Variants in DEPDC7 observed in about 807,000 individuals in gnomAD.
The protein encoded by DEPDC7 is DEP domain-containing protein 7.
Under a neutral mutation model 56.6 loss-of-function variants are expected in DEPDC7, and 41 were observed. That is an observed-to-expected ratio of 0.72 (90% CI 0.56 to 0.94). DEPDC7 has a LOEUF of 0.94. Among genes scored for constraint, DEPDC7 ranks in the 40% least tolerant of loss-of-function variants. The pLI is 0.00. For missense variants in DEPDC7, 522 were observed against 596.3 expected (o/e 0.88, Z 1.30); for synonymous variants, 185 against 208.8 (o/e 0.89, Z 0.98).
At chr11:33,025,549 T>C (rs1206233617) in intron 1 of DEPDC7, 110 bp from the exon 2 acceptor site, 3 of 1,068,536 alleles carry the variant, frequency 2.8e-6, no homozygotes, top group Admixed American at 4.8e-5. Context: ...TAATTGCTCC[T>C]TATCAATAAC....
intron 6 of DEPDC7, 91 bp from the exon 7 acceptor site, chr11:33,032,577 G>C: frequency 7.4e-7 from 1 of 1,347,358 alleles, no homozygotes; most frequent in Admixed American, 2.4e-5. Flanking sequence ...ATGCTGAAAT[G>C]TATAATAGCT....
intron 1 of DEPDC7, chr11:33,016,661 AT>A: frequency 6.6e-7 from 1 of 1,513,496 alleles, no homozygotes; most frequent in Non-Finnish European, 9.1e-7. Context: ...GTTACATGAA[AT>A]TAGGAGGGAA....
At chr11:33,021,678 A>G (rs1853525842) in intron 1 of DEPDC7, among the ~76,000 whole-genome samples, 1 of 152,166 alleles carries the variant, frequency 6.6e-6, no homozygotes, top group South Asian at 2.1e-4. Context: ...TGGTGCTTGA[A>G]GGGAAATATC....
chr11:33,028,342 G>A (rs1445552055), intron 3 of DEPDC7: 1 of 329,620 alleles, frequency 3.0e-6, no homozygotes, highest in Non-Finnish European at 5.4e-6. Context: ...CATGTTACAT[G>A]ACTTGATCTC....
At chr11:33,026,102 C>A in intron 2 of DEPDC7, 53 bp downstream of exon 2, 1 of 1,592,932 alleles carries the variant, frequency 6.3e-7, no homozygotes, top group Non-Finnish European at 8.6e-7. Flanking sequence ...TTTTGTCTAC[C>A]TTTTTATGAG....
chr11:33,027,661 C>T lies in DEPDC7; in HGVS notation c.465-25C>T, dbSNP rs762319238. On this transcript the variant is annotated intron_variant, in intron 2 of 8. Coordinates refer to ENST00000241051, the MANE Select transcript of DEPDC7 (RefSeq NM_001077242.2). Reference sequence around the variant, plus strand: ...TATTTCTGTGGGCTTAGTAAATGTTCATTTCTGAAATAAATTCATTTTAGG... The same window carrying T: ...TATTTCTGTGGGCTTAGTAAATGTTTATTTCTGAAATAAATTCATTTTAGG... 8.9e-6 allele frequency: 13 copies of T among 1,466,234 alleles called. No homozygotes were observed. The African/African-American group carries it at 1.9e-4, about 22-fold the overall frequency. 90.8% of individuals were successfully genotyped at this position (1,466,234 alleles called of 1,614,324 possible). A position where few individuals can be genotyped will look rare whatever the true frequency, so the allele number is the denominator to read the frequency against.
chr11:33,015,905 C>G lies in DEPDC7; in HGVS notation c.-51C>G, dbSNP rs1056943162. The G allele has an allele frequency of 6.6e-7, 1 of 1,521,398 alleles. No individual in the cohort carries two copies. The highest frequency in any genetic ancestry group is 8.9e-7 in the Non-Finnish European group (1 of 1,127,368). 94.2% of individuals were successfully genotyped at this position (1,521,398 alleles called of 1,614,324 possible). A position where few individuals can be genotyped will look rare whatever the true frequency, so the allele number is the denominator to read the frequency against. On this transcript the variant is annotated 5_prime_UTR_variant, in exon 1 of 9. Coordinates refer to ENST00000241051, the MANE Select transcript of DEPDC7 (RefSeq NM_001077242.2). ...AGTTAACAGACGGGCGCTCAGGGAG[C>G]TAGGGAGCTGTGAAGCTGCTGGAGG...
intron 1 of DEPDC7, among the ~76,000 whole-genome samples, chr11:33,021,331 G>T (rs893664627): frequency 1.3e-5 from 2 of 151,986 alleles, no homozygotes; most frequent in Admixed American, 6.6e-5. Flanking sequence ...GATTTTAAAA[G>T]GTTGTTTAGC....
At chr11:33,022,589 T>G (rs921208717) in intron 1 of DEPDC7, among the ~76,000 whole-genome samples, 2 of 152,198 alleles carry the variant, frequency 1.3e-5, no homozygotes, top group Admixed American at 6.5e-5. Context: ...ATTTGAAAAA[T>G]TAAGCAGAAA....
intron 1 of DEPDC7, among the ~76,000 whole-genome samples, chr11:33,024,830 G>A (rs1853561239): frequency 1.3e-5 from 2 of 151,288 alleles, no homozygotes; most frequent in Admixed American, 1.3e-4. Context: ...GTGTGTGTGT[G>A]TGTGTGTGTA....
Position 33,025,904 on chromosome 11 carries a change from G to A in DEPDC7, c.319G>A (p.Val107Ile), listed in dbSNP as rs1209438892. 2 of 1,614,190 alleles carry A rather than the reference G, an allele frequency of 1.2e-6. No individual in the cohort carries two copies. Among genetic ancestry groups the A allele is most frequent in the South Asian group, 2.2e-5 (2 of 91,088 alleles). The part of the protein sequence containing the change: ...RVCQALMDYK[V>I]FEAVPTKVFG... ...GTGTCAAGCGCTTATGGACTACAAAGTATTTGAAGCAGTTCCAACCAAAGT... is the reference window on the plus strand; with the variant it reads ...GTGTCAAGCGCTTATGGACTACAAAATATTTGAAGCAGTTCCAACCAAAGT... Residue 107 changes from valine to isoleucine, a missense_variant, in exon 2 of 9, where the codon GTA becomes ATA. Transcript: ENST00000241051.
At chr11:33,018,066 G>T (rs1853482239) in intron 1 of DEPDC7, among the ~76,000 whole-genome samples, 1 of 152,130 alleles carries the variant, frequency 6.6e-6, no homozygotes, top group Non-Finnish European at 1.5e-5. Flanking sequence ...AATTTTTCTT[G>T]TTGGTAGACT....
At chr11:33,027,875 TTTAATC>T in intron 3 of DEPDC7, 62 bp downstream of exon 3, 1 of 1,437,928 alleles carries the variant, frequency 7.0e-7, no homozygotes, top group Non-Finnish European at 9.2e-7. Flanking sequence ...TTTAAAATTT[TTTAATC>T]TTAATCTTTA....
At chr11:33,016,453 G>A in intron 1 of DEPDC7, 2 of 1,592,530 alleles carry the variant, frequency 1.3e-6, no homozygotes, top group Non-Finnish European at 1.7e-6. Flanking sequence ...GTATGGCCAG[G>A]GGCCGAGCTC....
At chr11:33,016,408 T>C (rs2133654691) in intron 1 of DEPDC7, 4 of 1,520,748 alleles carry the variant, frequency 2.6e-6, no homozygotes, top group Non-Finnish European at 2.6e-6. Flanking sequence ...TGTAGTTCTT[T>C]GCCCCCTGTC....
intron 6 of DEPDC7, 26 bp downstream of exon 6, chr11:33,032,504 T>G: frequency 6.5e-7 from 1 of 1,538,040 alleles, no homozygotes; most frequent in Non-Finnish European, 8.7e-7. Flanking sequence ...AACTGTTAGT[T>G]GTATTTAATA....
In DEPDC7 at chr11:33,030,172, G is replaced by C. The variant is rs140599720; in HGVS notation, c.783-1206G>C. On this transcript the variant is annotated intron_variant, in intron 4 of 8. Transcript: ENST00000241051. ...ATGGGGTTTCACCATATTGGCCAGGGTGGTCTTGAACTCCCGACCTTGTGA... is the reference window on the plus strand; with the variant it reads ...ATGGGGTTTCACCATATTGGCCAGGCTGGTCTTGAACTCCCGACCTTGTGA... Among the ~76,000 whole-genome samples, 1,424 of 152,236 alleles carry C rather than the reference G, an allele frequency of 9.4e-3. 26 individuals carry two copies. Among genetic ancestry groups the C allele is most frequent in the African/African-American group, 0.032 (1,334 of 41,538 alleles).
At chr11:33,020,873 C>T (rs1454484080) in intron 1 of DEPDC7, among the ~76,000 whole-genome samples, 1 of 152,228 alleles carries the variant, frequency 6.6e-6, no homozygotes, top group Non-Finnish European at 1.5e-5. Context: ...AAGAAACCTA[C>T]TTACAGAGAT....
At chr11:33,019,128 G>A (rs1014648793) in intron 1 of DEPDC7, among the ~76,000 whole-genome samples, 1 of 152,108 alleles carries the variant, frequency 6.6e-6, no homozygotes, top group Non-Finnish European at 1.5e-5. Flanking sequence ...TGTCTGCTGC[G>A]TTAACTCAAG....
Sources: gnomAD v4.1 joint callset for allele counts (sites outside exome capture counted in the v4.1 genomes callset) on GRCh38, gnomAD v4.1.1 for gene constraint, MANE v1.5 for transcripts, NCBI Gene and HGNC (gene_info 2026-07-23, HGNC 2026-07-21) for gene names.